The following ZMYND11 variants were observed in gnomAD, a reference collection of about 807,000 sequenced individuals.
The protein encoded by ZMYND11 is zinc finger MYND-type containing 11.
Under a neutral mutation model 84.9 loss-of-function variants are expected in ZMYND11, and 9 were observed. The observed-to-expected ratio is 0.11, with a 90% CI of 0.06 to 0.18. The LOEUF is 0.18. ZMYND11 is among the 10% of genes least tolerant of loss of function. The pLI, the probability that ZMYND11 is intolerant of heterozygous loss-of-function variation, is 1.00. For synonymous variants in ZMYND11, 250 were observed against 244.1 expected (o/e 1.02, Z -0.23); for missense variants, 409 against 761.0 (o/e 0.54, Z 5.44).
chr10:205,026 G>T (rs962986425), intron 2 of ZMYND11, among the ~76,000 whole-genome samples: 2 of 151,886 alleles, frequency 1.3e-5, no homozygotes, highest in African/African-American at 4.8e-5. Flanking sequence ...TCCTATGATT[G>T]TGCACTGGAA....
chr10:133,478 T>C (rs782646235), upstream of ZMYND11, among the ~76,000 whole-genome samples: 1 of 152,168 alleles, frequency 6.6e-6, no homozygotes, highest in Non-Finnish European at 1.5e-5. Context: ...GAATGAGAGA[T>C]GGTATCTGCG....
intron 1 of ZMYND11, among the ~76,000 whole-genome samples, chr10:158,809 T>C (rs1325949874): frequency 6.6e-6 from 1 of 152,068 alleles, no homozygotes; most frequent in Non-Finnish European, 1.5e-5. Context: ...TAATGACTAA[T>C]GTTAAGCATC....
At chr10:180,998 G>A (rs1276426139) in intron 2 of ZMYND11, among the ~76,000 whole-genome samples, 3 of 151,922 alleles carry the variant, frequency 2.0e-5, no homozygotes, top group African/African-American at 4.8e-5. Flanking sequence ...AAAAATCAAA[G>A]TACCTTATGA....
chr10:135,727 C>G lies in ZMYND11; in HGVS notation c.-20+168C>G, dbSNP rs1423213746. On this transcript the variant is annotated intron_variant, in intron 1 of 14. Transcript: ENST00000381604. The surrounding 1 kb of genome is among the most constrained non-coding windows in gnomAD (Gnocchi z 5.6). ...CGAAGAGCTCCGAGCTGCCGGGGAG[C>G]TTTGTGGATGGCGGGGCGGGCCGGG... is the stretch of plus-strand genomic sequence containing the variant. Among the ~76,000 whole-genome samples, 2 of 145,776 alleles carry G rather than the reference C, an allele frequency of 1.4e-5. No individual in the cohort carries two copies. Among genetic ancestry groups the G allele is most frequent in the Non-Finnish European group, 3.0e-5 (2 of 65,788 alleles).
chr10:193,239 A>T (rs1052319710), intron 2 of ZMYND11, among the ~76,000 whole-genome samples: 2 of 152,050 alleles, frequency 1.3e-5, no homozygotes, highest in Admixed American at 6.6e-5. Context: ...ACTTTACCTT[A>T]TTATCTTATG....
upstream of ZMYND11, among the ~76,000 whole-genome samples, chr10:134,127 C>A (rs1475868032): frequency 6.6e-6 from 1 of 152,142 alleles, no homozygotes; most frequent in Non-Finnish European, 1.5e-5. Flanking sequence ...TACGTTTTCT[C>A]CTATACACAC....
At chr10:170,988 A>G (rs1289584425) in intron 1 of ZMYND11, among the ~76,000 whole-genome samples, 9 of 152,150 alleles carry the variant, frequency 5.9e-5, no homozygotes, top group South Asian at 2.1e-4. Context: ...AGAATATAGC[A>G]TGGTAACACT....
chr10:139,622 A>G (rs1554753425), intron 1 of ZMYND11, among the ~76,000 whole-genome samples: 1 of 150,926 alleles, frequency 6.6e-6, no homozygotes, highest in Non-Finnish European at 1.5e-5. Flanking sequence ...ATAATATATC[A>G]TGTATTGTCT....
At chr10:134,958 C>G (rs1272617229), upstream of ZMYND11, 1 of 149,686 alleles carries the variant, frequency 6.7e-6, no homozygotes, top group African/African-American at 2.4e-5. Context: ...CGGCCGCGCG[C>G]AAGTCCGGCG....
At chr10:204,787 T>C (rs1943839941) in intron 2 of ZMYND11, among the ~76,000 whole-genome samples, 1 of 152,094 alleles carries the variant, frequency 6.6e-6, no homozygotes, top group African/African-American at 2.4e-5. Context: ...GTTAATGGAG[T>C]AAACTATATT....
intron 1 of ZMYND11, among the ~76,000 whole-genome samples, chr10:152,618 C>G (rs1399124629): frequency 6.6e-6 from 1 of 152,162 alleles, no homozygotes; most frequent in East Asian, 1.9e-4. Flanking sequence ...TAATGGGAGA[C>G]TTTAACACCC....
At chr10:172,175 G>A (rs189447601) in intron 1 of ZMYND11, among the ~76,000 whole-genome samples, 5 of 152,260 alleles carry the variant, frequency 3.3e-5, no homozygotes, top group East Asian at 3.9e-4. Context: ...TCTTCACCTC[G>A]TAATGCCGTC....
intron 2 of ZMYND11, among the ~76,000 whole-genome samples, chr10:197,592 T>C (rs1379718965): frequency 6.6e-6 from 1 of 152,216 alleles, no homozygotes; most frequent in Non-Finnish European, 1.5e-5. Context: ...AGGAGAAGCC[T>C]CAACATTTTA....
At position 248,827 on chromosome 10, in the gene ZMYND11, T is replaced by G. The variant is rs1248535990; in HGVS notation, c.1501-76T>G. 4 of 1,514,512 alleles carry G rather than the reference T, an allele frequency of 2.6e-6. No individual in the cohort carries two copies. In the Admixed American group the frequency reaches 6.7e-5, roughly 25 times the overall value. The allele number at this position is 1,514,512 out of a possible 1,614,324, so 93.8% of individuals were successfully genotyped here. A position where few individuals can be genotyped will look rare whatever the true frequency, so the allele number is the denominator to read the frequency against. ...AAAAAGGTACCTCATGCAAGTTGTG[T>G]TAAGTTTCTGTTCCAGTGTAGATGG... On this transcript the variant is annotated intron_variant, in intron 13 of 14. Transcript: ENST00000381604.
chr10:177,667 C>T (rs964289188), intron 1 of ZMYND11, among the ~76,000 whole-genome samples: 14 of 151,998 alleles, frequency 9.2e-5, no homozygotes, highest in African/African-American at 3.4e-4. Context: ...TTACATTTTA[C>T]AGCTTTGCTG....
intron 11 of ZMYND11, 68 bp downstream of exon 11, chr10:247,041 C>T (rs1952303187): frequency 7.1e-7 from 1 of 1,409,520 alleles, no homozygotes; most frequent in Non-Finnish European, 9.8e-7. Context: ...TTAGTGCACA[C>T]TCCTCACTGT....
intron 2 of ZMYND11, among the ~76,000 whole-genome samples, chr10:209,529 T>C (rs982579181): frequency 6.6e-6 from 1 of 152,194 alleles, no homozygotes; most frequent in Non-Finnish European, 1.5e-5. Context: ...GTAGAATCTG[T>C]AGAGTAGAAG....
chr10:208,369 G>A (rs1283808895), intron 2 of ZMYND11, among the ~76,000 whole-genome samples: 1 of 152,054 alleles, frequency 6.6e-6, no homozygotes, highest in Non-Finnish European at 1.5e-5. Context: ...TACAAAATGG[G>A]AGAAAATTTT....
At chr10:152,963 T>C (rs556868398) in intron 1 of ZMYND11, among the ~76,000 whole-genome samples, 1 of 152,220 alleles carries the variant, frequency 6.6e-6, no homozygotes, top group African/African-American at 2.4e-5. Context: ...GAATGACTAC[T>C]GGGTACATAG....
Sources: allele counts gnomAD v4.1 joint callset (sites outside exome capture counted in the v4.1 genomes callset), GRCh38; gene constraint gnomAD v4.1.1; non-coding constraint Gnocchi (gnomAD v3.1); transcripts MANE v1.5; gene names NCBI Gene and HGNC (gene_info 2026-07-23, HGNC 2026-07-21).